TBC1D17: variants seen among roughly 807,000 people sequenced by gnomAD.
The protein encoded by TBC1D17 is TBC1 domain family, member 17.
Under a neutral mutation model 78.8 loss-of-function variants are expected in TBC1D17, and 69 were observed. That is an observed-to-expected ratio of 0.88 (90% CI 0.72 to 1.07). The LOEUF (loss-of-function observed/expected upper bound fraction) is 1.07, where lower values mean the gene tolerates loss of function less well. TBC1D17 is among the 50% of genes least tolerant of loss of function. The pLI is 0.00. For synonymous variants in TBC1D17, 456 were observed against 358.3 expected (o/e 1.27, Z -3.08); for missense variants, 957 against 861.0 (o/e 1.11, Z -1.39).
At position 49,884,481 on chromosome 19, in the gene TBC1D17, T is replaced by C. The variant is rs776507179; in HGVS notation, c.1266T>C (p.Asp422=). 9 of 1,613,962 alleles carry C rather than the reference T, an allele frequency of 5.6e-6. No individual in the cohort carries two copies. Among genetic ancestry groups the C allele is most frequent in the Non-Finnish European group, 7.6e-6 (9 of 1,180,002 alleles). ...FDLGYVQGMS[D]LLSPILYVIQ... is the part of the protein sequence containing the mutation. ...CAGGCTACGTCCAGGGCATGAGTGATCTTCTCTCCCCGATCCTCTACGTCA... is the reference window on the plus strand; with the variant it reads ...CAGGCTACGTCCAGGGCATGAGTGACCTTCTCTCCCCGATCCTCTACGTCA... The change falls in exon 12 of 17, where the codon GAT becomes GAC. Residue 422 remains aspartate, a synonymous_variant. Coordinates refer to ENST00000221543, the MANE Select transcript of TBC1D17 (RefSeq NM_024682.3).
At chr19:49,878,436 C>T in intron 2 of TBC1D17, 62 bp from the exon 3 acceptor site, 1 of 1,510,388 alleles carries the variant, frequency 6.6e-7, no homozygotes, top group Non-Finnish European at 9.2e-7. Flanking sequence ...AAATTTGCAA[C>T]GGAAAGTTTT....
At chr19:49,882,180 G>T in intron 6 of TBC1D17, 28 bp downstream of exon 6, 1 of 1,613,808 alleles carries the variant, frequency 6.2e-7, no homozygotes, top group Non-Finnish European at 8.5e-7. Context: ...GAGGCCTGGC[G>T]GGTGTGGGCA....
At chr19:49,887,408 A>T (rs1447465020) in intron 13 of TBC1D17, 68 bp from the exon 14 acceptor site, 3 of 1,502,400 alleles carry the variant, frequency 2.0e-6, no homozygotes, top group Non-Finnish European at 2.8e-6. Flanking sequence ...TCTTCCAGTC[A>T]GGATGACTTC....
chr19:49,881,899 T>C (rs75874825), intron 5 of TBC1D17, 142 bp from the exon 6 acceptor site: 16,128 of 776,078 alleles, frequency 0.021, 241 homozygotes, highest in Middle Eastern at 0.063. Flanking sequence ...GTGGGCCTCC[T>C]TTAACAGCAT....
At position 49,888,697 on chromosome 19, in the gene TBC1D17, C is replaced by T; in HGVS notation, c.*73C>T. 7.6e-7 allele frequency: 1 copy of T among 1,317,684 alleles called. No homozygotes were observed. The highest frequency in any genetic ancestry group is 2.6e-5 in the East Asian group (1 of 38,930). The allele number at this position is 1,317,684 out of a possible 1,614,324, so 81.6% of individuals were successfully genotyped here. On this transcript the variant is annotated 3_prime_UTR_variant, in exon 17 of 17. Transcript: ENST00000221543. Reference sequence around the variant, plus strand: ...GCACACCTGCGAGGGGGCAGGTGTGCTCCGCCGCCCTGCTGATAAGCTGGC... The same window carrying T: ...GCACACCTGCGAGGGGGCAGGTGTGTTCCGCCGCCCTGCTGATAAGCTGGC...
chr19:49,878,712 C>T (rs2074983003), intron 3 of TBC1D17, 140 bp downstream of exon 3: 2 of 735,494 alleles, frequency 2.7e-6, no homozygotes, highest in Admixed American at 4.9e-5. Context: ...GGTACTCTGC[C>T]TCTCCTTTTG....
In TBC1D17 at chr19:49,884,284, C is replaced by G. The variant is rs756888959; in HGVS notation, c.1158C>G (p.Asn386Lys). The change falls in exon 11 of 17, where the codon AAC (asparagine) becomes AAG (lysine). Residue 386 changes from asparagine to lysine, a missense_variant. Physicochemically the swap from Asn to Lys is moderately conservative, Grantham distance 94. Transcript: ENST00000221543. ...ATGTGAGCCGCACTGACAGGACCAA[C>G]AAGTTCTACGAGGGTCCCGAGAACC... Reference protein sequence around the residue: ...ERDVSRTDRTNKFYEGPENPG... With the variant: ...ERDVSRTDRTKKFYEGPENPG... 2.5e-6 allele frequency: 4 copies of G among 1,613,880 alleles called. No individual in the cohort carries two copies. Among genetic ancestry groups the G allele is most frequent in the Non-Finnish European group, 3.4e-6 (4 of 1,180,024 alleles).
Position 49,882,370 on chromosome 19 carries a change from GC to G in TBC1D17, c.771del (p.Glu258SerfsTer45), listed in dbSNP as rs2075022944. On this transcript the variant is annotated frameshift_variant, in exon 7 of 17. Transcript: ENST00000221543. LOFTEE classifies it high-confidence loss of function. ...SDLPPPPDDE[P>X]EPGFEVISCV... ...ACCTTCCCCCGCCACCCGACGATGA[GC>G]CCGAGCCTGGATTCGAGGTCATTTC... 1 of 1,608,510 alleles carries G rather than the reference GC, an allele frequency of 6.2e-7. No homozygotes were observed. The highest frequency in any genetic ancestry group is 1.1e-5 in the South Asian group (1 of 91,080).
chr19:49,882,703 G>A, intron 7 of TBC1D17, 61 bp from the exon 8 acceptor site: 1 of 1,463,926 alleles, frequency 6.8e-7, no homozygotes, highest in Non-Finnish European at 9.0e-7. Flanking sequence ...GTGGACTGAG[G>A]CTGGGTTGGG....
At chr19:49,881,960 C>A in intron 5 of TBC1D17, 81 bp from the exon 6 acceptor site, 1 of 1,251,218 alleles carries the variant, frequency 8.0e-7, no homozygotes, top group Non-Finnish European at 1.2e-6. Context: ...GCAGCTGGAA[C>A]CGATGTCGGC....
rs761057218 is a variant in TBC1D17 at position 49,882,241 on chromosome 19, G to T, written c.640-1G>T. ...TGACCTCCCTTTGGCCTCGTCCCCAGCGCTTCCTCCAGGATCCCTACTCCA... is the reference window on the plus strand; with the variant it reads ...TGACCTCCCTTTGGCCTCGTCCCCATCGCTTCCTCCAGGATCCCTACTCCA... On this transcript the variant is annotated splice_acceptor_variant, in intron 6 of 16. Coordinates refer to ENST00000221543, the MANE Select transcript of TBC1D17 (RefSeq NM_024682.3). LOFTEE classifies it high-confidence loss of function. 1 of 1,612,232 alleles carries T rather than the reference G, an allele frequency of 6.2e-7. No individual in the cohort carries two copies. Among genetic ancestry groups the T allele is most frequent in the Non-Finnish European group, 8.5e-7 (1 of 1,179,950 alleles).
In TBC1D17 at chr19:49,882,992, G is replaced by A. The variant is rs201844752; in HGVS notation, c.947G>A (p.Arg316Gln). Residue 316 changes from arginine (R) to glutamine (Q), a missense_variant, in exon 9 of 17, where the codon CGG becomes CAG. Arg to Gln is a conservative substitution (Grantham distance 43, BLOSUM62 1). Coordinates refer to ENST00000221543, the MANE Select transcript of TBC1D17 (RefSeq NM_024682.3). ...CCCCAGGGTCTGAGCCCCAGCCTGCGGCGCGAGGCCTGGAAGTTCCTCCTA... is the reference window on the plus strand; with the variant it reads ...CCCCAGGGTCTGAGCCCCAGCCTGCAGCGCGAGGCCTGGAAGTTCCTCCTA... The part of the protein sequence containing the change: ...IFSGGLSPSL[R>Q]REAWKFLLGY... The A allele has an allele frequency of 1.0e-4, 161 of 1,610,450 alleles. No individual in the cohort carries two copies. Among genetic ancestry groups the A allele is most frequent in the Non-Finnish European group, 1.2e-4 (141 of 1,178,498 alleles).
Position 49,888,536 on chromosome 19 carries a change from C to T in TBC1D17, c.1859C>T (p.Thr620Ile). ...CTGTCGCCCACCCGGGCCCCGCCCA[C>T]CCCGCCGCCCTCCACGGACACAGCC... ...LPLSPTRAPP[T>I]PPPSTDTAPQ... Residue 620 changes from threonine (T) to isoleucine (I), a missense_variant, in exon 17 of 17, where the codon ACC becomes ATC. Transcript: ENST00000221543. 6.5e-7 allele frequency: 1 copy of T among 1,535,214 alleles called. No homozygotes were observed. Among genetic ancestry groups the T allele is most frequent in the East Asian group, 2.4e-5 (1 of 41,028 alleles).
chr19:49,886,763 A>G (rs1006388034), intron 13 of TBC1D17: 7 of 152,102 alleles, frequency 4.6e-5, no homozygotes, highest in African/African-American at 1.7e-4. Context: ...ATTTGAGTTA[A>G]CTTGGGGGGA....
At chr19:49,887,881 CT>C in intron 15 of TBC1D17, 47 bp downstream of exon 15, 1 of 1,461,660 alleles carries the variant, frequency 6.8e-7, no homozygotes, top group Non-Finnish European at 9.4e-7. Context: ...GAGCTGGGCG[CT>C]GCCCAGGGCC....
At chr19:49,878,659 C>A in intron 3 of TBC1D17, 87 bp downstream of exon 3, 3 of 1,279,340 alleles carry the variant, frequency 2.3e-6, no homozygotes, top group Non-Finnish European at 3.4e-6. Flanking sequence ...TGCGTACAAT[C>A]CCAGACCTAC....
chr19:49,878,080 A>G (rs1308711072), intron 1 of TBC1D17, 63 bp from the exon 2 acceptor site: 6 of 1,373,194 alleles, frequency 4.4e-6, no homozygotes, highest in Non-Finnish European at 6.0e-6. Flanking sequence ...GCCCGTCCCT[A>G]TTGGCTCCCC....
chr19:49,884,829 A>G (rs963778232), intron 13 of TBC1D17, 71 bp downstream of exon 13: 14 of 1,360,372 alleles, frequency 1.0e-5, no homozygotes, highest in African/African-American at 1.4e-5. Flanking sequence ...GGTAGCAGCC[A>G]CAGTGGCATC....
chr19:49,880,072 G>A (rs1162715704), intron 3 of TBC1D17, among the ~76,000 whole-genome samples: 1 of 151,934 alleles, frequency 6.6e-6, no homozygotes, highest in East Asian at 1.9e-4. Flanking sequence ...TGGTCAGGCT[G>A]GTCTCGAACT....
Sources: gnomAD v4.1 joint callset for allele counts (sites outside exome capture counted in the v4.1 genomes callset) on GRCh38, gnomAD v4.1.1 for gene constraint, MANE v1.5 for transcripts, NCBI Gene and HGNC (gene_info 2026-07-23, HGNC 2026-07-21) for gene names.